Variants in ASTN2 observed in about 807,000 individuals in gnomAD.
The protein encoded by ASTN2 is astrotactin-2.
A neutral mutation model predicts 139.8 loss-of-function variants in ASTN2; 54 were observed. The observed-to-expected ratio is 0.39, with a 90% CI of 0.31 to 0.48. The LOEUF (loss-of-function observed/expected upper bound fraction) is 0.48. Among genes scored for constraint, ASTN2 ranks in the 20% least tolerant of loss-of-function variants. ASTN2 has a pLI of 0.95. For synonymous variants in ASTN2, 756 were observed against 719.5 expected, an observed-to-expected ratio of 1.05 and a Z score of -0.81; for missense variants, 1,565 against 1,725.1, an observed-to-expected ratio of 0.91 and a Z score of 1.64.
At chr9:117,374,655 G>A (rs1454843197) in intron 1 of ASTN2, among the ~76,000 whole-genome samples, 2 of 152,140 alleles carry the variant, frequency 1.3e-5, no homozygotes, top group Admixed American at 6.5e-5. Context: ...CCCTTGCAAT[G>A]TCATTTTATT....
At chr9:116,521,180 AG>A (rs1850855282) in intron 19 of ASTN2, among the ~76,000 whole-genome samples, 1 of 152,140 alleles carries the variant, frequency 6.6e-6, no homozygotes, top group Non-Finnish European at 1.5e-5. Flanking sequence ...GGACCAAAAA[AG>A]AGCCTGCATA....
chr9:116,699,815 T>C lies in ASTN2; in HGVS notation c.2806+25956A>G. 1 of 1,475,804 alleles carries C rather than the reference T, an allele frequency of 6.8e-7. No individual in the cohort carries two copies. Among genetic ancestry groups the C allele is most frequent in the Non-Finnish European group, 9.4e-7 (1 of 1,067,230 alleles). 91.4% of individuals were successfully genotyped at this position (1,475,804 alleles called of 1,614,324 possible). The stretch of plus-strand genomic sequence containing the variant: ...ACTCAGCCTATGTCCTGATTCCAGC[T>C]GGGTAGTTCTAGAACTTCAGAAGCT... On this transcript the variant is annotated intron_variant, in intron 16 of 22. Coordinates refer to ENST00000313400, the MANE Select transcript of ASTN2 (RefSeq NM_001365068.1). This position sits in a 1 kb window ranked among gnomAD's most constrained non-coding sequence, Gnocchi z 4.2.
intron 20 of ASTN2, among the ~76,000 whole-genome samples, chr9:116,469,594 A>G (rs917490133): frequency 2.0e-5 from 3 of 152,186 alleles, no homozygotes; most frequent in Non-Finnish European, 4.4e-5. Context: ...AATTTATTGA[A>G]CCTTCATGAG....
At chr9:117,190,467 T>C (rs571169894) in intron 3 of ASTN2, among the ~76,000 whole-genome samples, 1 of 152,296 alleles carries the variant, frequency 6.6e-6, no homozygotes, top group African/African-American at 2.4e-5. Context: ...GTTTACCACC[T>C]TTGCAAAAAT....
At chr9:116,988,779 A>G (rs573531706) in intron 7 of ASTN2, among the ~76,000 whole-genome samples, 1 of 152,254 alleles carries the variant, frequency 6.6e-6, no homozygotes, top group African/African-American at 2.4e-5. Context: ...ATACTTCTAT[A>G]GGAGCTTAAA....
At chr9:116,693,509 C>T (rs572584943) in intron 16 of ASTN2, among the ~76,000 whole-genome samples, 4 of 152,082 alleles carry the variant, frequency 2.6e-5, no homozygotes, top group African/African-American at 2.4e-5. Flanking sequence ...AGATTCTCAT[C>T]GGGAGCTGAA....
intron 2 of ASTN2, among the ~76,000 whole-genome samples, chr9:117,225,349 C>T (rs112208759): frequency 0.011 from 1,697 of 151,410 alleles, 20 homozygotes; most frequent in Middle Eastern, 0.031. Flanking sequence ...CTCTGAAGGA[C>T]GGGTGAATGG....
Position 117,253,939 on chromosome 9 carries a change from C to T in ASTN2, c.630+37387G>A, listed in dbSNP as rs990382522. Among the ~76,000 whole-genome samples, 5 of 152,284 alleles carry T rather than the reference C, an allele frequency of 3.3e-5. No individual in the cohort carries two copies. In the South Asian group the frequency reaches 1.0e-3, roughly 32 times the overall value. On this transcript the variant is annotated intron_variant, in intron 2 of 22. Coordinates refer to ENST00000313400, the MANE Select transcript of ASTN2 (RefSeq NM_001365068.1). Reference sequence around the variant, plus strand: ...TCTTATCTGCATGAAGTGCCAGCACCAGGAAGCCTTTCTGAGTCTGAACGC... The same window carrying T: ...TCTTATCTGCATGAAGTGCCAGCACTAGGAAGCCTTTCTGAGTCTGAACGC...
intron 19 of ASTN2, among the ~76,000 whole-genome samples, chr9:116,533,143 A>C (rs1418526297): frequency 6.6e-6 from 1 of 152,176 alleles, no homozygotes; most frequent in African/African-American, 2.4e-5. Context: ...GAGTTCACTT[A>C]TGATTTGGCT....
chr9:116,799,770 A>C (rs1407807718), intron 13 of ASTN2, among the ~76,000 whole-genome samples: 1 of 151,710 alleles, frequency 6.6e-6, no homozygotes, highest in Non-Finnish European at 1.5e-5. Flanking sequence ...TGGTGAGTTT[A>C]TCTCACTTGA....
intron 4 of ASTN2, among the ~76,000 whole-genome samples, chr9:117,127,044 C>T (rs1011085255): frequency 2.6e-5 from 4 of 152,164 alleles, no homozygotes; most frequent in Non-Finnish European, 2.9e-5. Flanking sequence ...TATCATCCTA[C>T]GGCAGGATAA....
chr9:116,811,670 A>G (rs1831171282), intron 12 of ASTN2, among the ~76,000 whole-genome samples: 2 of 152,242 alleles, frequency 1.3e-5, no homozygotes, highest in Admixed American at 6.5e-5. Context: ...GAAAATGACA[A>G]TCCTTATCAT....
At chr9:117,334,760 A>C (rs1828824946) in intron 1 of ASTN2, among the ~76,000 whole-genome samples, 1 of 152,130 alleles carries the variant, frequency 6.6e-6, no homozygotes. Context: ...ATTATTTAAA[A>C]TAGCAACTTC....
chr9:117,108,439 A>ACACACACACG (rs1491573589), intron 4 of ASTN2, among the ~76,000 whole-genome samples: 8 of 5,990 alleles, frequency 1.3e-3, no homozygotes, highest in African/African-American at 3.4e-3. Flanking sequence ...ACAAAACAAA[A>ACACACACACG]CACACACACA....
chr9:116,906,231 G>A (rs1214591522), intron 10 of ASTN2, among the ~76,000 whole-genome samples: 1 of 152,178 alleles, frequency 6.6e-6, no homozygotes, highest in East Asian at 1.9e-4. Flanking sequence ...ATCAAAAAGA[G>A]TGGATGGTGT....
At chr9:117,401,303 ACCT>A (rs2130962037) in intron 1 of ASTN2, among the ~76,000 whole-genome samples, 1 of 152,154 alleles carries the variant, frequency 6.6e-6, no homozygotes, top group East Asian at 1.9e-4. Flanking sequence ...GCCTCCAAAT[ACCT>A]GTCAGGTAAA....
chr9:116,740,605 C>T (rs1353091105), intron 13 of ASTN2, among the ~76,000 whole-genome samples: 2 of 151,916 alleles, frequency 1.3e-5, no homozygotes, highest in African/African-American at 4.8e-5. Context: ...CTCCGCCTCC[C>T]GGGTTCACGC....
At chr9:116,670,399 G>A (rs775335717) in intron 16 of ASTN2, among the ~76,000 whole-genome samples, 2 of 151,986 alleles carry the variant, frequency 1.3e-5, no homozygotes, top group African/African-American at 4.8e-5. Context: ...GGCTGGGCCA[G>A]GGGATCACAG....
At chr9:117,204,937 A>T (rs899808704) in intron 3 of ASTN2, among the ~76,000 whole-genome samples, 8 of 152,236 alleles carry the variant, frequency 5.3e-5, no homozygotes, top group South Asian at 2.1e-4. Context: ...TATTACTGCC[A>T]AATGAACATC....
Sources: gnomAD v4.1 joint callset for allele counts (sites outside exome capture counted in the v4.1 genomes callset) on GRCh38, gnomAD v4.1.1 for gene constraint, Gnocchi (gnomAD v3.1) non-coding constraint, MANE v1.5 for transcripts, NCBI Gene and HGNC (gene_info 2026-07-23, HGNC 2026-07-21) for gene names.